EEFSEC: variants seen among roughly 807,000 people sequenced by gnomAD.
EEFSEC encodes the protein eukaryotic elongation factor, selenocysteine-tRNA specific.
A neutral mutation model predicts 42.1 loss-of-function variants in EEFSEC; 43 were observed. The observed-to-expected ratio is 1.02, with a 90% CI of 0.80 to 1.32. The LOEUF (loss-of-function observed/expected upper bound fraction) is 1.32, where lower values mean the gene tolerates loss of function less well. EEFSEC is among the 40% of genes most tolerant of loss of function. EEFSEC has a pLI of 0.00. For missense variants in EEFSEC, 745 were observed against 803.6 expected (o/e 0.93, Z 0.88); for synonymous variants, 354 against 339.1 (o/e 1.04, Z -0.48).
At chr3:128,262,342 T>C in intron 3 of EEFSEC, 118 bp downstream of exon 3, 1 of 876,300 alleles carries the variant, frequency 1.1e-6, no homozygotes, top group Non-Finnish European at 1.8e-6. Flanking sequence ...AGGACTCAGT[T>C]GGTTCCATTA....
At chr3:128,297,954 A>G (rs778658280) in intron 4 of EEFSEC, among the ~76,000 whole-genome samples, 2 of 152,182 alleles carry the variant, frequency 1.3e-5, no homozygotes, top group Non-Finnish European at 2.9e-5. Context: ...CAGGAGCTGA[A>G]GCCAGTCAGT....
intron 5 of EEFSEC, among the ~76,000 whole-genome samples, chr3:128,353,616 A>G (rs1272717887): frequency 1.3e-5 from 2 of 152,226 alleles, no homozygotes; most frequent in Non-Finnish European, 2.9e-5. Flanking sequence ...GTGTCCAGTC[A>G]GTCATGACAT....
the EEFSEC span, among the ~76,000 whole-genome samples, chr3:128,426,112 A>C: frequency 6.6e-6 from 1 of 152,138 alleles, no homozygotes; most frequent in Non-Finnish European, 1.5e-5. Flanking sequence ...CAGCAGAGCC[A>C]CTCAGGTTCA....
chr3:128,251,012 G>A (rs926014334), intron 2 of EEFSEC, among the ~76,000 whole-genome samples: 2 of 140,020 alleles, frequency 1.4e-5, no homozygotes, highest in Non-Finnish European at 3.1e-5. Context: ...AGAGGCCATT[G>A]TAAAGGAATT....
intron 5 of EEFSEC, among the ~76,000 whole-genome samples, chr3:128,354,560 T>C (rs1275554647): frequency 2.0e-5 from 3 of 152,170 alleles, no homozygotes; most frequent in East Asian, 3.9e-4. Flanking sequence ...AGCCCTCAGC[T>C]TCCCCTGGCT....
At chr3:128,274,207 T>G (rs1220486456) in intron 4 of EEFSEC, among the ~76,000 whole-genome samples, 1 of 152,206 alleles carries the variant, frequency 6.6e-6, no homozygotes, top group African/African-American at 2.4e-5. Flanking sequence ...GGGCTTGGGT[T>G]TGTACCTATG....
intron 1 of EEFSEC, among the ~76,000 whole-genome samples, chr3:128,191,472 A>G (rs985458300): frequency 6.6e-6 from 1 of 152,042 alleles, no homozygotes; most frequent in African/African-American, 2.4e-5. Context: ...TTATGGTAAA[A>G]AATATATAAC....
At chr3:128,243,387 T>C (rs1379053185) in intron 1 of EEFSEC, among the ~76,000 whole-genome samples, 1 of 152,258 alleles carries the variant, frequency 6.6e-6, no homozygotes, top group African/African-American at 2.4e-5. Context: ...GAGGGCCTGA[T>C]GCGTGGAGCA....
At position 128,153,841 on chromosome 3, in the gene EEFSEC, C is replaced by T. The variant is rs1049655901; in HGVS notation, c.316+18C>T. 4 of 1,492,856 alleles carry T rather than the reference C, an allele frequency of 2.7e-6. No homozygotes were observed. The highest frequency in any genetic ancestry group is 3.5e-6 in the Non-Finnish European group (4 of 1,129,452). 92.5% of individuals were successfully genotyped at this position (1,492,856 alleles called of 1,614,324 possible). ...CATCGGCGGTGAGCGCGGGCCGGGG[C>T]GGGAGCCGGGCTCAGGGACGCGGGC... is the stretch of plus-strand genomic sequence containing the variant. On this transcript the variant is annotated intron_variant, in intron 1 of 6. Coordinates refer to ENST00000254730, the MANE Select transcript of EEFSEC (RefSeq NM_021937.5).
Position 128,296,776 on chromosome 3 carries a change from A to T in EEFSEC, c.786+31995A>T, listed in dbSNP as rs571926221. Among the ~76,000 whole-genome samples the T allele has an allele frequency of 5.3e-5, 8 of 152,294 alleles. No homozygotes were observed. In the South Asian group the frequency reaches 1.7e-3, roughly 32 times the overall value. Reference sequence around the variant, plus strand: ...CCCCTGAGATGGCCTGAAAGACACGATTTGGATTTGTCCCAGTTGGCATAG... The same window carrying T: ...CCCCTGAGATGGCCTGAAAGACACGTTTTGGATTTGTCCCAGTTGGCATAG... On this transcript the variant is annotated intron_variant, in intron 4 of 6. Coordinates refer to ENST00000254730, the MANE Select transcript of EEFSEC (RefSeq NM_021937.5).
At chr3:128,315,692 T>G (rs6771646) in intron 4 of EEFSEC, among the ~76,000 whole-genome samples, 26,497 of 152,122 alleles carry the variant, frequency 0.17, 3,057 homozygotes, top group African/African-American at 0.33. Flanking sequence ...TGGTATGGAG[T>G]GTAAAGCTCC....
chr3:128,248,542 G>C (rs944534555), intron 2 of EEFSEC, among the ~76,000 whole-genome samples: 1 of 152,222 alleles, frequency 6.6e-6, no homozygotes, highest in African/African-American at 2.4e-5. Context: ...TTCAGACTTT[G>C]TTATTCCCAG....
At chr3:128,397,249 A>G (rs2067992184) in intron 6 of EEFSEC, among the ~76,000 whole-genome samples, 1 of 152,218 alleles carries the variant, frequency 6.6e-6, no homozygotes, top group Non-Finnish European at 1.5e-5. Context: ...TGGCACTGCC[A>G]TCCAGGCTGC....
At chr3:128,342,110 G>C (rs537057258) in intron 5 of EEFSEC, among the ~76,000 whole-genome samples, 1 of 152,290 alleles carries the variant, frequency 6.6e-6, no homozygotes, top group South Asian at 2.1e-4. Context: ...CTGGGCAGGG[G>C]GACCCCCACT....
intron 4 of EEFSEC, among the ~76,000 whole-genome samples, chr3:128,284,534 G>A (rs1553751072): frequency 6.6e-6 from 1 of 152,118 alleles, no homozygotes; most frequent in Non-Finnish European, 1.5e-5. Context: ...GAGAGGCTAA[G>A]ATGCAAGCAG....
intron 5 of EEFSEC, among the ~76,000 whole-genome samples, chr3:128,349,725 T>C (rs186728501): frequency 6.6e-6 from 1 of 152,260 alleles, no homozygotes; most frequent in African/African-American, 2.4e-5. Flanking sequence ...CAGCTCTTAC[T>C]CAGAAATCTC....
At chr3:128,402,918 A>G (rs2068064822) in intron 6 of EEFSEC, among the ~76,000 whole-genome samples, 1 of 152,250 alleles carries the variant, frequency 6.6e-6, no homozygotes, top group African/African-American at 2.4e-5. Context: ...GTGAATAGAC[A>G]AAACTCCCTG....
At chr3:128,229,016 G>C (rs2065934597) in intron 1 of EEFSEC, among the ~76,000 whole-genome samples, 1 of 152,120 alleles carries the variant, frequency 6.6e-6, no homozygotes, top group Admixed American at 6.5e-5. Flanking sequence ...GGTTATTCCT[G>C]GGCTTTCTAC....
intron 4 of EEFSEC, among the ~76,000 whole-genome samples, chr3:128,333,571 CATT>C (rs1250997305): frequency 1.3e-5 from 2 of 152,230 alleles, no homozygotes; most frequent in Non-Finnish European, 2.9e-5. Flanking sequence ...TAGCCACTAT[CATT>C]AGAAGTGAAT....
Sources: allele counts gnomAD v4.1 joint callset (sites outside exome capture counted in the v4.1 genomes callset), GRCh38; gene constraint gnomAD v4.1.1; transcripts MANE v1.5; gene names NCBI Gene and HGNC (gene_info 2026-07-23, HGNC 2026-07-21).